The following PWWP2B variants were observed in gnomAD, a reference collection of about 807,000 sequenced individuals.
PWWP2B encodes the protein PWWP domain containing 2B.
A neutral mutation model predicts 15.5 loss-of-function variants in PWWP2B; 9 were observed. The ratio of observed to expected loss-of-function variants is 0.58; its 90% CI spans 0.35 to 1.02. The LOEUF (loss-of-function observed/expected upper bound fraction) is 1.02. PWWP2B is among the 50% of genes least tolerant of loss of function. The pLI is 0.02. For synonymous variants in PWWP2B, 474 were observed against 403.6 expected, an observed-to-expected ratio of 1.17 and a Z score of -2.09; for missense variants, 864 against 865.3, an observed-to-expected ratio of 1.00 and a Z score of 0.02.
chr10:132,415,341 T>TCC (rs2069832753), intron 2 of PWWP2B, among the ~76,000 whole-genome samples: 1 of 131,974 alleles, frequency 7.6e-6, no homozygotes, highest in Non-Finnish European at 1.6e-5. Flanking sequence ...CACACACATA[T>TCC]CCACTCACAC....
chr10:132,408,523 G>A (rs1010212185), intron 2 of PWWP2B, among the ~76,000 whole-genome samples: 1 of 152,212 alleles, frequency 6.6e-6, no homozygotes, highest in Non-Finnish European at 1.5e-5. Flanking sequence ...TGGTGTGGGG[G>A]CTGGAGCTCG....
chr10:132,411,535 GC>G (rs2133162727), intron 2 of PWWP2B, among the ~76,000 whole-genome samples: 1 of 152,346 alleles, frequency 6.6e-6, no homozygotes, highest in South Asian at 2.1e-4. Flanking sequence ...ATGGGCTTCA[GC>G]CCAGGGGCCC....
intron 2 of PWWP2B, among the ~76,000 whole-genome samples, chr10:132,408,011 C>T (rs1410944222): frequency 1.3e-5 from 2 of 152,182 alleles, no homozygotes; most frequent in Non-Finnish European, 2.9e-5. Flanking sequence ...GGAGGGAGGA[C>T]GGGAGGACAC....
chr10:132,411,400 C>T (rs886399529), intron 2 of PWWP2B, among the ~76,000 whole-genome samples: 6 of 152,246 alleles, frequency 3.9e-5, no homozygotes, highest in African/African-American at 1.2e-4. Context: ...GCTCCCAGGA[C>T]GAGGAGCACC....
chr10:132,406,594 C>T (rs2069702228), intron 2 of PWWP2B, among the ~76,000 whole-genome samples: 1 of 152,258 alleles, frequency 6.6e-6, no homozygotes, highest in African/African-American at 2.4e-5. Flanking sequence ...CTCATGCTCT[C>T]AGTCGTTGTT....
intron 1 of PWWP2B, among the ~76,000 whole-genome samples, chr10:132,401,545 G>A (rs2069616273): frequency 6.6e-6 from 1 of 152,236 alleles, no homozygotes; most frequent in Non-Finnish European, 1.5e-5. Flanking sequence ...GTTACCTGTG[G>A]GTCACAGCCA....
At chr10:132,402,070 C>T (rs2069622238) in intron 1 of PWWP2B, among the ~76,000 whole-genome samples, 1 of 152,248 alleles carries the variant, frequency 6.6e-6, no homozygotes, top group South Asian at 2.1e-4. Context: ...TGTCCAGTCC[C>T]TGGGCACTGA....
intron 2 of PWWP2B, among the ~76,000 whole-genome samples, chr10:132,415,114 CTTAAG>C (rs533494102): frequency 3.9e-5 from 6 of 152,294 alleles, no homozygotes; most frequent in South Asian, 2.1e-4. Flanking sequence ...CTGCTTGATC[CTTAAG>C]TTTTCAATTT....
At chr10:132,415,988 C>T (rs2069849508) in intron 2 of PWWP2B, among the ~76,000 whole-genome samples, 1 of 152,252 alleles carries the variant, frequency 6.6e-6, no homozygotes, top group African/African-American at 2.4e-5. Context: ...ACGGCACACG[C>T]CTGCAGGTGC....
At position 132,405,923 on chromosome 10, in the gene PWWP2B, C is replaced by T; in HGVS notation, c.1423C>T (p.Gln475Ter). The change falls in exon 2 of 3, where the codon CAG (glutamine) becomes TAG (stop). Residue 475 changes from glutamine (Q) to a stop codon, truncating the protein, a stop_gained. Transcript: ENST00000305233. LOFTEE classifies it low-confidence loss of function (END_TRUNC). Reference sequence around the variant, plus strand: ...GCCCCTGACGGTCAGGCTGCACACACAGAGCGTGTCGGAGTGCATCACGGA... The same window carrying T: ...GCCCCTGACGGTCAGGCTGCACACATAGAGCGTGTCGGAGTGCATCACGGA... ...VPPLTVRLHT[Q>*]SVSECITEDG... 6.2e-7 allele frequency: 1 copy of T among 1,613,034 alleles called. No homozygotes were observed. The highest frequency in any genetic ancestry group is 8.5e-7 in the Non-Finnish European group (1 of 1,179,910).
At chr10:132,416,663 CG>C (rs2069860542) in intron 2 of PWWP2B, among the ~76,000 whole-genome samples, 2 of 152,116 alleles carry the variant, frequency 1.3e-5, no homozygotes, top group Non-Finnish European at 2.9e-5. Context: ...CGGGTCTCCA[CG>C]GGGCCGTCAG....
Position 132,404,686 on chromosome 10 carries a change from C to T in PWWP2B, c.186C>T (p.Val62=), listed in dbSNP as rs1404818090. ...APLPQVDESP[V]NDSHGRAPEE... The stretch of plus-strand genomic sequence containing the variant: ...TGCCCCAGGTCGATGAGTCCCCTGT[C>T]AACGACAGCCATGGCCGGGCTCCCG... Residue 62 remains valine (V), a synonymous_variant, in exon 2 of 3, where the codon GTC becomes GTT. Coordinates refer to ENST00000305233, the MANE Select transcript of PWWP2B (RefSeq NM_138499.4). The T allele has an allele frequency of 6.2e-7, 1 of 1,612,560 alleles. No homozygotes were observed. The highest frequency in any genetic ancestry group is 1.3e-5 in the African/African-American group (1 of 74,884).
rs188202028 is a variant in PWWP2B, at chr10:132,400,548, G to A, written c.125+3197G>A. Among the ~76,000 whole-genome samples, 999 of 152,316 alleles carry A rather than the reference G, an allele frequency of 6.6e-3. 6 individuals are homozygous for A. The highest frequency in any genetic ancestry group is 0.023 in the African/African-American group (953 of 41,570). On this transcript the variant is annotated intron_variant, in intron 1 of 2. Coordinates refer to ENST00000305233, the MANE Select transcript of PWWP2B (RefSeq NM_138499.4). ...GAGGCGCTCCCCTGGTGTCTAGCCT[G>A]TGGCTTCTCCTGCCAGCCTGCTTTT...
In PWWP2B at chr10:132,405,032, T is replaced by A; in HGVS notation, c.532T>A (p.Cys178Ser). 6.6e-7 allele frequency: 1 copy of A among 1,524,006 alleles called. No individual in the cohort carries two copies. Among genetic ancestry groups the A allele is most frequent in the Non-Finnish European group, 8.8e-7 (1 of 1,139,754 alleles). 94.4% of individuals were successfully genotyped at this position (1,524,006 alleles called of 1,614,324 possible). A position where few individuals can be genotyped will look rare whatever the true frequency, so the allele number is the denominator to read the frequency against. Residue 178 changes from cysteine (C) to serine (S), a missense_variant, in exon 2 of 3, where the codon TGT (cysteine) becomes AGT (serine). Physicochemically the swap from Cys to Ser is moderately radical, Grantham distance 112. Coordinates refer to ENST00000305233, the MANE Select transcript of PWWP2B (RefSeq NM_138499.4). ...TIRLRPRQVL[C>S]EKCKSTLSPP... ...CCGCCTGCGGCCGCGCCAGGTGCTCTGTGAGAAGTGCAAGAGCACGCTGAG... is the reference window on the plus strand; with the variant it reads ...CCGCCTGCGGCCGCGCCAGGTGCTCAGTGAGAAGTGCAAGAGCACGCTGAG...
At chr10:132,409,261 C>T (rs1006806327) in intron 2 of PWWP2B, among the ~76,000 whole-genome samples, 7 of 152,188 alleles carry the variant, frequency 4.6e-5, no homozygotes, top group Non-Finnish European at 1.0e-4. Context: ...CAGGAGAGGC[C>T]GTTCCCTGGG....
chr10:132,401,361 C>T (rs1369431553), intron 1 of PWWP2B, among the ~76,000 whole-genome samples: 1 of 151,994 alleles, frequency 6.6e-6, no homozygotes, highest in African/African-American at 2.4e-5. Context: ...AGGCTTATTT[C>T]AAGGGGCCCC....
At position 132,406,225 on chromosome 10, in the gene PWWP2B, A is replaced by G; in HGVS notation, c.1725A>G (p.Arg575=). ...TAACCGAGGCTGCAAATGCCGCAAG[A>G]CACGTGGCCCCGGAAATCAGGGAGC... The part of the protein sequence containing the change: ...KAITEAANAA[R]HVAPEIRELL... The change falls in exon 2 of 3, where the codon AGA becomes AGG. Residue 575 remains arginine, a synonymous_variant. Transcript: ENST00000305233. 1 of 1,611,800 alleles carries G rather than the reference A, an allele frequency of 6.2e-7. No individual in the cohort carries two copies. Among genetic ancestry groups the G allele is most frequent in the Non-Finnish European group, 8.5e-7 (1 of 1,178,848 alleles).
intron 1 of PWWP2B, among the ~76,000 whole-genome samples, chr10:132,403,866 G>GGCAGGGAGGACCTTCCAGGGTGTGTGA (rs1267061742): frequency 6.6e-6 from 1 of 152,224 alleles, no homozygotes; most frequent in Non-Finnish European, 1.5e-5. Context: ...GTGCCAGGTG[G>GGCAGGGAGGACCTTCCAGGGTGTGTGA]GCAGATGGGG....
rs769752055 is a variant in PWWP2B at position 132,405,398 on chromosome 10, G to C, written c.898G>C (p.Glu300Gln). 16 of 1,611,062 alleles carry C rather than the reference G, an allele frequency of 9.9e-6. No individual in the cohort carries two copies. Among genetic ancestry groups the C allele is most frequent in the Admixed American group, 5.0e-5 (3 of 59,928 alleles). Reference sequence around the variant, plus strand: ...CCAGGACCCCGAGGTGCTGGACAGAGAGTCCCGGGACCGGCCGTCCTGCGC... The same window carrying C: ...CCAGGACCCCGAGGTGCTGGACAGACAGTCCCGGGACCGGCCGTCCTGCGC... ...GSQDPEVLDR[E>Q]SRDRPSCAPS... The change falls in exon 2 of 3, where the codon GAG becomes CAG. Residue 300 changes from glutamate to glutamine, a missense_variant. By Grantham distance (29) the Glu-to-Gln change is conservative. Transcript: ENST00000305233.
Sources: allele counts gnomAD v4.1 joint callset (sites outside exome capture counted in the v4.1 genomes callset), GRCh38; gene constraint gnomAD v4.1.1; transcripts MANE v1.5; gene names NCBI Gene and HGNC (gene_info 2026-07-23, HGNC 2026-07-21).